The following MOCS1 variants were observed in gnomAD, a reference collection of about 807,000 sequenced individuals.
The protein encoded by MOCS1 is molybdenum cofactor biosynthesis protein 1.
MOCS1 carries 39 observed loss-of-function variants against 57.6 expected under a neutral mutation model. The observed-to-expected ratio is 0.68, with a 90% CI of 0.52 to 0.88. MOCS1 has a LOEUF of 0.88. Ranked by LOEUF, MOCS1 falls within the 40% of genes least tolerant of loss-of-function variation. The pLI is 0.00. For missense variants in MOCS1, 795 were observed against 831.1 expected (o/e 0.96, Z 0.53); for synonymous variants, 334 against 335.7 (o/e 1.00, Z 0.05).
In MOCS1 at chr6:39,906,978, G is replaced by C. The variant is rs1766997744; in HGVS notation, c.1290C>G (p.Pro430=). The C allele has an allele frequency of 6.2e-7, 1 of 1,613,974 alleles. No individual in the cohort carries two copies. Among genetic ancestry groups the C allele is most frequent in the Admixed American group, 1.7e-5 (1 of 59,996 alleles). ...GCTGCTGGGCTAGAGGAGGGGTCTG[G>C]GGGACCCTGCATCCTTTCCATAAAG... ...VATLWKGCRV[P]QTPPLAQQRL... Residue 430 remains proline (P), a synonymous_variant, in exon 11 of 11, where the codon CCC becomes CCG. Coordinates refer to ENST00000340692, the MANE Select transcript of MOCS1 (RefSeq NM_001358530.2).
rs1562088413 is a variant in MOCS1 at position 39,912,236 on chromosome 6, GGGTCCCTGT to G, written c.981+19_981+27del. 6.6e-7 allele frequency: 1 copy of G among 1,519,066 alleles called. No homozygotes were observed. The highest frequency in any genetic ancestry group is 9.1e-7 in the Non-Finnish European group (1 of 1,095,098). 94.1% of individuals were successfully genotyped at this position (1,519,066 alleles called of 1,614,324 possible). On this transcript the variant is annotated intron_variant, in intron 8 of 10. Coordinates refer to ENST00000340692, the MANE Select transcript of MOCS1 (RefSeq NM_001358530.2). ...GACATGAGAACACAGAGGTGGCAAG[GGGTCCCTGT>G]GGAGGAGGGGATGCTCACCTTGAGG... is the stretch of plus-strand genomic sequence containing the variant.
chr6:39,927,678 CG>C (rs571797071), intron 1 of MOCS1: 106 of 1,550,042 alleles, frequency 6.8e-5, no homozygotes, highest in Non-Finnish European at 8.9e-5. Context: ...GCTTGGGGGT[CG>C]GGGGCGGATG....
chr6:39,919,418 G>A (rs1767839142), intron 3 of MOCS1, among the ~76,000 whole-genome samples: 1 of 151,986 alleles, frequency 6.6e-6, no homozygotes, highest in South Asian at 2.1e-4. Context: ...AACCCGGGAG[G>A]CAAAGGTGGC....
intron 7 of MOCS1, 110 bp downstream of exon 7, chr6:39,912,782 A>G (rs1190419433): frequency 4.6e-6 from 4 of 864,270 alleles, no homozygotes; most frequent in South Asian, 1.3e-5. Context: ...AAATGGTACC[A>G]TCCCACATCA....
In MOCS1 at chr6:39,905,860, C is replaced by T. The variant is rs1766872755; in HGVS notation, c.*497G>A. 6.4e-6 allele frequency: 3 copies of T among 470,696 alleles called. No individual in the cohort carries two copies. Among genetic ancestry groups the T allele is most frequent in the Non-Finnish European group, 1.3e-5 (3 of 227,246 alleles). The allele number at this position is 470,696 out of a possible 1,614,324, so 29.2% of individuals were successfully genotyped here. The stretch of plus-strand genomic sequence containing the variant: ...CAGGGCAGGGCTGCGGCTTCACAGA[C>T]TTAGGGAGGCAGAGCTGCCGGGGAG... On this transcript the variant is annotated 3_prime_UTR_variant, in exon 11 of 11. Transcript: ENST00000340692.
Position 39,905,824 on chromosome 6 carries a change from A to T in MOCS1, c.*533T>A, listed in dbSNP as rs1475156558. The T allele has an allele frequency of 2.1e-6, 1 of 469,968 alleles. No homozygotes were observed. Among genetic ancestry groups the T allele is most frequent in the Non-Finnish European group, 4.4e-6 (1 of 226,992 alleles). The allele number at this position is 469,968 out of a possible 1,614,324, so 29.1% of individuals were successfully genotyped here. ...GGGCAGAAGGAGAGATGAAGTCAGG[A>T]CAGGACAGGACAGGGCAGGGCTGCG... is the stretch of plus-strand genomic sequence containing the variant. On this transcript the variant is annotated 3_prime_UTR_variant, in exon 11 of 11. Coordinates refer to ENST00000340692, the MANE Select transcript of MOCS1 (RefSeq NM_001358530.2).
At chr6:39,922,221 A>G (rs890101531) in intron 3 of MOCS1, among the ~76,000 whole-genome samples, 1 of 152,210 alleles carries the variant, frequency 6.6e-6, no homozygotes, top group African/African-American at 2.4e-5. Context: ...TACATTAGCC[A>G]CATGTCAGGC....
Position 39,925,832 on chromosome 6 carries a change from C to A in MOCS1, c.264G>T (p.Met88Ile). 6.2e-7 allele frequency: 1 copy of A among 1,612,198 alleles called. No homozygotes were observed. The highest frequency in any genetic ancestry group is 8.5e-7 in the Non-Finnish European group (1 of 1,179,624). The change falls in exon 3 of 11, where the codon ATG becomes ATT. Residue 88 changes from methionine (M) to isoleucine (I), a missense_variant. Around this residue, in one of 3 missense-constraint regions of MOCS1, gnomAD observed 416 missense variants for 392.4 expected, o/e 1.06. Coordinates refer to ENST00000340692, the MANE Select transcript of MOCS1 (RefSeq NM_001358530.2). ...EKCNLRCQYC[M>I]PEEGVPLTPK... ...GGGTCAGCGGGACCCCCTCCTCGGG[C>A]ATGCAGTACTGACCTGAGGGAAGGA...
chr6:39,904,182 T>C lies in MOCS1; in HGVS notation c.*2175A>G. 4 of 456,662 alleles carry C rather than the reference T, an allele frequency of 8.8e-6. No individual in the cohort carries two copies. The highest frequency in any genetic ancestry group is 7.0e-5 in the Admixed American group (3 of 42,574). The allele number at this position is 456,662 out of a possible 1,614,324, so 28.3% of individuals were successfully genotyped here. A position where few individuals can be genotyped will look rare whatever the true frequency, so the allele number is the denominator to read the frequency against. On this transcript the variant is annotated 3_prime_UTR_variant, in exon 11 of 11. Coordinates refer to ENST00000340692, the MANE Select transcript of MOCS1 (RefSeq NM_001358530.2). ...ACTATGGAAGCTGTTCAAGATACAT[T>C]TGATCTTCAGAAAAGCAGAATTTGG...
chr6:39,927,756 T>G, intron 1 of MOCS1: 1 of 1,493,822 alleles, frequency 6.7e-7, no homozygotes, highest in Middle Eastern at 2.4e-4. Flanking sequence ...GGAAATCTAT[T>G]AGCCCTTATT....
chr6:39,925,631 G>T (rs762448557), intron 3 of MOCS1, 47 bp downstream of exon 3: 1 of 1,609,588 alleles, frequency 6.2e-7, no homozygotes. Flanking sequence ...TGTCCAGCCG[G>T]ATGAGGCAGC....
At position 39,905,547 on chromosome 6, in the gene MOCS1, T is replaced by G; in HGVS notation, c.*810A>C. ...CTGCAAAGTTGGCATCGTAGCTTTA[T>G]TTGTGCGCTGTGAGGGTGAAGGCAA... On this transcript the variant is annotated 3_prime_UTR_variant, in exon 11 of 11. Transcript: ENST00000340692. The G allele has an allele frequency of 2.1e-6, 1 of 471,178 alleles. No homozygotes were observed. Among genetic ancestry groups the G allele is most frequent in the South Asian group, 1.5e-5 (1 of 64,570 alleles). The allele number at this position is 471,178 out of a possible 1,614,324, so 29.2% of individuals were successfully genotyped here. A position where few individuals can be genotyped will look rare whatever the true frequency, so the allele number is the denominator to read the frequency against.
chr6:39,906,388 C>A lies in MOCS1; in HGVS notation c.1880G>T (p.Gly627Val), dbSNP rs775741893. 4 of 1,599,208 alleles carry A rather than the reference C, an allele frequency of 2.5e-6. No homozygotes were observed. The highest frequency in any genetic ancestry group is 1.3e-5 in the African/African-American group (1 of 74,678). ...CCGATGGAAGTCCCCCCGCTGACCA[C>A]CAGTCTTGCTAATGAGCTTGATCTC... ...LEEIKLISKT[G>V]GQRGDFHRA The change falls in exon 11 of 11, where the codon GGT (glycine) becomes GTT (valine). Residue 627 changes from glycine to valine, a missense_variant. By Grantham distance (109) the Gly-to-Val change is moderately radical. Transcript: ENST00000340692.
At position 39,904,312 on chromosome 6, in the gene MOCS1, C is replaced by A. The variant is rs1222891083; in HGVS notation, c.*2045G>T. 2.2e-6 allele frequency: 1 copy of A among 456,628 alleles called. No homozygotes were observed. The highest frequency in any genetic ancestry group is 2.0e-5 in the African/African-American group (1 of 50,090). The allele number at this position is 456,628 out of a possible 1,614,324, so 28.3% of individuals were successfully genotyped here. Reference sequence around the variant, plus strand: ...TATTTTCTACATCTGGCCAGTGGCTCTGGTGCTAGATGCCACTGTAGCCAG... The same window carrying A: ...TATTTTCTACATCTGGCCAGTGGCTATGGTGCTAGATGCCACTGTAGCCAG... On this transcript the variant is annotated 3_prime_UTR_variant, in exon 11 of 11. Coordinates refer to ENST00000340692, the MANE Select transcript of MOCS1 (RefSeq NM_001358530.2).
chr6:39,925,834 T>C lies in MOCS1; in HGVS notation c.262A>G (p.Met88Val), dbSNP rs755626325. Reference sequence around the variant, plus strand: ...GTCAGCGGGACCCCCTCCTCGGGCATGCAGTACTGACCTGAGGGAAGGATG... The same window carrying C: ...GTCAGCGGGACCCCCTCCTCGGGCACGCAGTACTGACCTGAGGGAAGGATG... Reference protein sequence around the residue: ...EKCNLRCQYCMPEEGVPLTPK... With the variant: ...EKCNLRCQYCVPEEGVPLTPK... Residue 88 changes from methionine (M) to valine (V), a missense_variant, in exon 3 of 11, where the codon ATG (methionine) becomes GTG (valine). Transcript: ENST00000340692. 2 of 1,612,296 alleles carry C rather than the reference T, an allele frequency of 1.2e-6. No individual in the cohort carries two copies. Among genetic ancestry groups the C allele is most frequent in the Non-Finnish European group, 8.5e-7 (1 of 1,179,676 alleles).
Position 39,904,514 on chromosome 6 carries a change from A to G in MOCS1, c.*1843T>C. 2.2e-6 allele frequency: 1 copy of G among 454,360 alleles called. No homozygotes were observed. The highest frequency in any genetic ancestry group is 4.4e-6 in the Non-Finnish European group (1 of 226,958). 28.1% of individuals were successfully genotyped at this position (454,360 alleles called of 1,614,324 possible). A position where few individuals can be genotyped will look rare whatever the true frequency, so the allele number is the denominator to read the frequency against. ...AGTTTCTCTAGCTAATTTTGTGGCC[A>G]ATGTAAAATTCGTCATCAACCTAAC... On this transcript the variant is annotated 3_prime_UTR_variant, in exon 11 of 11. Transcript: ENST00000340692.
intron 3 of MOCS1, among the ~76,000 whole-genome samples, chr6:39,922,226 T>G (rs1007240805): frequency 6.6e-6 from 1 of 152,198 alleles, no homozygotes; most frequent in African/African-American, 2.4e-5. Context: ...TAGCCACATG[T>G]CAGGCCCTCA....
chr6:39,927,669 C>T, intron 1 of MOCS1: 3 of 1,563,552 alleles, frequency 1.9e-6, no homozygotes, highest in Non-Finnish European at 1.7e-6. Flanking sequence ...AAGTATTCAG[C>T]TTGGGGGTCG....
In MOCS1 at chr6:39,906,533, C is replaced by T. The variant is rs1766956058; in HGVS notation, c.1735G>A (p.Ala579Thr). Residue 579 changes from alanine to threonine, a missense_variant, in exon 11 of 11, where the codon GCA becomes ACA. Around this residue, in one of 3 missense-constraint regions of MOCS1, gnomAD observed 374 missense variants for 422.6 expected, o/e 0.89. Coordinates refer to ENST00000340692, the MANE Select transcript of MOCS1 (RefSeq NM_001358530.2). The part of the protein sequence containing the change: ...DSTRHAVKIQ[A>T]SCRARGPTGV... ...GTGGGGCCCCGAGCCCGGCAAGATG[C>T]CTGGATCTTCACGGCATGGCGTGTG... 6.2e-7 allele frequency: 1 copy of T among 1,613,808 alleles called. No individual in the cohort carries two copies. The highest frequency in any genetic ancestry group is 1.7e-5 in the Admixed American group (1 of 60,012).
Sources: gnomAD v4.1 joint callset for allele counts (sites outside exome capture counted in the v4.1 genomes callset) on GRCh38, gnomAD v4.1.1 for gene constraint, gnomAD v4.1.1 regional missense constraint, MANE v1.5 for transcripts, NCBI Gene and HGNC (gene_info 2026-07-23, HGNC 2026-07-21) for gene names.